ZFP2: variants seen among roughly 807,000 people sequenced by gnomAD.
ZFP2 encodes the protein ZFP2 zinc finger protein.
A neutral mutation model predicts 36.1 loss-of-function variants in ZFP2; 33 were observed. That is an observed-to-expected ratio of 0.92 (90% CI 0.69 to 1.22). ZFP2 has a LOEUF of 1.22. ZFP2 is among the 50% of genes most tolerant of loss of function. The pLI is 0.00. For synonymous variants in ZFP2, 170 were observed against 178.0 expected (o/e 0.96, Z 0.36); for missense variants, 522 against 551.4 (o/e 0.95, Z 0.53).
rs561272581 is a variant in ZFP2 at position 178,922,580 on chromosome 5, A to G, written c.-78+5870A>G. The G allele has an allele frequency of 1.7e-5, 26 of 1,540,162 alleles. 3 individuals carry two copies. The highest frequency in any genetic ancestry group is 2.2e-5 in the East Asian group (1 of 44,834). Reference sequence around the variant, plus strand: ...AGGAGCATGGCTTGGAGCACGTCCTATTCCTTGACAGGGCAAGAGCATGGC... The same window carrying G: ...AGGAGCATGGCTTGGAGCACGTCCTGTTCCTTGACAGGGCAAGAGCATGGC... On this transcript the variant is annotated intron_variant, in intron 4 of 4. Transcript: ENST00000361362.
intron 1 of ZFP2, among the ~76,000 whole-genome samples, chr5:178,902,323 A>G (rs571301090): frequency 6.6e-6 from 1 of 152,320 alleles, no homozygotes; most frequent in Admixed American, 6.5e-5. Context: ...TAGCAAAAAT[A>G]CAGTTATCAA....
intron 1 of ZFP2, among the ~76,000 whole-genome samples, chr5:178,908,123 A>T (rs987878647): frequency 4.6e-5 from 7 of 151,922 alleles, no homozygotes; most frequent in African/African-American, 7.3e-5. Context: ...TTAAGTTAAC[A>T]CTCCTATTCA....
chr5:178,902,265 A>G (rs1053573501), intron 1 of ZFP2, among the ~76,000 whole-genome samples: 2 of 152,224 alleles, frequency 1.3e-5, no homozygotes, highest in Admixed American at 6.5e-5. Context: ...AATTACAGAC[A>G]TGCCCATTTC....
intron 1 of ZFP2, 45 bp from the exon 2 acceptor site, chr5:178,912,539 C>G (rs1389483662): frequency 1.9e-6 from 1 of 536,466 alleles, no homozygotes; most frequent in Non-Finnish European, 2.4e-6. Context: ...TTTCACTCCC[C>G]TCAGAGGGTT....
intron 1 of ZFP2, among the ~76,000 whole-genome samples, chr5:178,912,265 T>A (rs1758314381): frequency 6.6e-6 from 1 of 152,200 alleles, no homozygotes; most frequent in African/African-American, 2.4e-5. Flanking sequence ...CATGTACCAT[T>A]TGGGGCAGGG....
intron 4 of ZFP2, among the ~76,000 whole-genome samples, chr5:178,918,347 C>G (rs1758482943): frequency 1.3e-5 from 2 of 152,118 alleles, no homozygotes; most frequent in South Asian, 4.2e-4. Flanking sequence ...TAGAAATAGT[C>G]TAGTTGGGTG....
At chr5:178,914,113 C>T (rs1758367749) in intron 3 of ZFP2, 1 of 152,162 alleles carries the variant, frequency 6.6e-6, no homozygotes, top group Non-Finnish European at 1.5e-5. Flanking sequence ...GCCTTGGCCT[C>T]CCAAAGTGCT....
intron 4 of ZFP2, among the ~76,000 whole-genome samples, chr5:178,927,662 A>AGTGTGTGTGTGT (rs1561684956): frequency 9.9e-6 from 1 of 100,850 alleles, no homozygotes; most frequent in African/African-American, 3.7e-5. Flanking sequence ...ATACCTGGCC[A>AGTGTGTGTGTGT]ATGTGTGTGT....
intron 4 of ZFP2, among the ~76,000 whole-genome samples, chr5:178,929,456 A>T (rs1758772207): frequency 6.6e-6 from 1 of 152,136 alleles, no homozygotes; most frequent in Non-Finnish European, 1.5e-5. Context: ...AATTTCGTCC[A>T]CCAGATGCCC....
At chr5:178,922,009 C>T in intron 4 of ZFP2, 1 of 658,048 alleles carries the variant, frequency 1.5e-6, no homozygotes, top group South Asian at 1.7e-5. Flanking sequence ...ACTGTAAAAA[C>T]ATTTAAAGCT....
intron 1 of ZFP2, among the ~76,000 whole-genome samples, chr5:178,897,695 G>A (rs1052398894): frequency 3.3e-5 from 5 of 152,220 alleles, no homozygotes; most frequent in Admixed American, 2.6e-4. Context: ...AACCATTTAG[G>A]TTGGTAGAAT....
chr5:178,912,924 A>G (rs942561895), intron 2 of ZFP2, 58 bp from the exon 3 acceptor site: 3 of 948,520 alleles, frequency 3.2e-6, no homozygotes, highest in Non-Finnish European at 3.8e-6. Context: ...GAACTCTGCT[A>G]GGATTGGTTT....
intron 4 of ZFP2, among the ~76,000 whole-genome samples, chr5:178,917,908 A>G (rs572621249): frequency 7.2e-5 from 11 of 152,364 alleles, no homozygotes; most frequent in African/African-American, 2.6e-4. Flanking sequence ...TCAGGGCCTT[A>G]GCACTGGCTG....
At chr5:178,927,663 ATGTGTGTGTGTGTGTGTG>A (rs33974182) in intron 4 of ZFP2, among the ~76,000 whole-genome samples, 56 of 92,584 alleles carry the variant, frequency 6.0e-4, no homozygotes, top group African/African-American at 2.0e-3. Context: ...TACCTGGCCA[ATGTGTGTGTGTGTGTGTG>A]TGTGTGTGTG....
intron 4 of ZFP2, among the ~76,000 whole-genome samples, chr5:178,926,880 T>C (rs1174129991): frequency 6.6e-6 from 1 of 152,188 alleles, no homozygotes; most frequent in Non-Finnish European, 1.5e-5. Context: ...TGGTTGTATG[T>C]GTTTTGGAAG....
In ZFP2 at chr5:178,932,982, T is replaced by C. The variant is rs1483239493; in HGVS notation, c.*283T>C. 3.4e-6 allele frequency: 1 copy of C among 296,618 alleles called. No homozygotes were observed. The allele number at this position is 296,618 out of a possible 1,614,324, so 18.4% of individuals were successfully genotyped here. A position where few individuals can be genotyped will look rare whatever the true frequency, so the allele number is the denominator to read the frequency against. ...TGTTATATCATACCGCACATTCTCCTTTGGCTATCAGAGACTTTACACTGG... is the reference window on the plus strand; with the variant it reads ...TGTTATATCATACCGCACATTCTCCCTTGGCTATCAGAGACTTTACACTGG... On this transcript the variant is annotated 3_prime_UTR_variant, in exon 5 of 5. Transcript: ENST00000361362.
intron 1 of ZFP2, among the ~76,000 whole-genome samples, chr5:178,911,695 G>A (rs1758301579): frequency 6.6e-6 from 1 of 152,160 alleles, no homozygotes; most frequent in Non-Finnish European, 1.5e-5. Flanking sequence ...ATGTATTCAA[G>A]GGTCAGTTGT....
At chr5:178,920,666 A>C (rs1482417769) in intron 4 of ZFP2, among the ~76,000 whole-genome samples, 2 of 151,912 alleles carry the variant, frequency 1.3e-5, no homozygotes, top group African/African-American at 4.8e-5. Context: ...TATATTTTTC[A>C]CTTCCAGAAT....
intron 1 of ZFP2, among the ~76,000 whole-genome samples, chr5:178,904,227 G>A (rs1029643835): frequency 6.6e-6 from 1 of 152,182 alleles, no homozygotes; most frequent in Non-Finnish European, 1.5e-5. Flanking sequence ...GTGGTGTGCC[G>A]TGTTCTGGAT....
Sources: gnomAD v4.1 joint callset for allele counts (sites outside exome capture counted in the v4.1 genomes callset) on GRCh38, gnomAD v4.1.1 for gene constraint, MANE v1.5 for transcripts, NCBI Gene and HGNC (gene_info 2026-07-23, HGNC 2026-07-21) for gene names.